The following NHLRC2 variants were observed in gnomAD, a reference collection of about 807,000 sequenced individuals.
The protein encoded by NHLRC2 is NHL repeat-containing protein 2.
Under a neutral mutation model 68.1 loss-of-function variants are expected in NHLRC2, and 33 were observed. The ratio of observed to expected loss-of-function variants is 0.48; its 90% confidence interval spans 0.37 to 0.65. The LOEUF is 0.65. Ranked by LOEUF, NHLRC2 falls within the 30% of genes least tolerant of loss-of-function variation. The pLI, the probability that NHLRC2 is intolerant of heterozygous loss-of-function variation, is 0.00. For synonymous variants in NHLRC2, 311 were observed against 309.6 expected, an observed-to-expected ratio of 1.00 and a Z score of -0.05; for missense variants, 761 against 853.8, an observed-to-expected ratio of 0.89 and a Z score of 1.35.
intron 6 of NHLRC2, among the ~76,000 whole-genome samples, chr10:113,899,216 T>G (rs564932568): frequency 6.6e-6 from 1 of 152,300 alleles, no homozygotes; most frequent in African/African-American, 2.4e-5. Context: ...CTCCCATTCA[T>G]TTTTCTGTCC....
chr10:113,860,971 T>G (rs762556512), intron 2 of NHLRC2, among the ~76,000 whole-genome samples: 23 of 152,346 alleles, frequency 1.5e-4, no homozygotes, highest in Middle Eastern at 3.4e-3. Flanking sequence ...AAATCATAAC[T>G]TTCTAAATCC....
intron 4 of NHLRC2, among the ~76,000 whole-genome samples, chr10:113,883,709 T>C (rs73345595): frequency 0.031 from 4,774 of 152,026 alleles, 265 homozygotes; most frequent in African/African-American, 0.11. Flanking sequence ...TCCCAGATTC[T>C]TGACTTACTA....
Position 113,904,928 on chromosome 10 carries a change from G to A in NHLRC2, c.1816G>A (p.Val606Met), listed in dbSNP as rs757540255. 1.1e-5 allele frequency: 18 copies of A among 1,604,318 alleles called. No individual in the cohort carries two copies. The highest frequency in any genetic ancestry group is 2.7e-5 in the African/African-American group (2 of 74,254). ...KSAPSIRLSP[V>M]TACAGQTLQF... ...TGCTCCAAGCATTAGGCTTTCCCCC[G>A]TGACTGCGTGTGCTGGCCAGACTCT... is the stretch of plus-strand genomic sequence containing the variant. Residue 606 changes from valine (V) to methionine (M), a missense_variant, in exon 10 of 11, where the codon GTG becomes ATG. By Grantham distance (21) the Val-to-Met change is conservative. Coordinates refer to ENST00000369301, the MANE Select transcript of NHLRC2 (RefSeq NM_198514.4).
At chr10:113,896,884 C>T (rs1343278080) in intron 5 of NHLRC2, among the ~76,000 whole-genome samples, 3 of 151,606 alleles carry the variant, frequency 2.0e-5, no homozygotes, top group South Asian at 4.2e-4. Context: ...GTCCCAGCTA[C>T]TCGGGAGGCT....
intron 2 of NHLRC2, 51 bp downstream of exon 2, chr10:113,858,731 G>A: frequency 1.5e-6 from 2 of 1,352,272 alleles, no homozygotes; most frequent in Non-Finnish European, 2.1e-6. Context: ...ATAGTCACTG[G>A]AAGAGTGGCT....
intron 5 of NHLRC2, among the ~76,000 whole-genome samples, chr10:113,890,987 C>G (rs950729405): frequency 3.3e-5 from 5 of 152,098 alleles, no homozygotes; most frequent in African/African-American, 7.2e-5. Flanking sequence ...AACCAGATCT[C>G]GTAAGAACTC....
At chr10:113,863,277 G>A (rs2134690591) in intron 2 of NHLRC2, among the ~76,000 whole-genome samples, 1 of 152,202 alleles carries the variant, frequency 6.6e-6, no homozygotes, top group Non-Finnish European at 1.5e-5. Flanking sequence ...TATCTTTTCT[G>A]ATCACAGATG....
At position 113,893,979 on chromosome 10, in the gene NHLRC2, A is replaced by G. The variant is rs142122245; in HGVS notation, c.1040-4131A>G. 5.3e-5 allele frequency among the ~76,000 whole-genome samples: 8 copies of G among 152,344 alleles called. No homozygotes were observed. The East Asian group carries it at 1.5e-3, about 29-fold the overall frequency. On this transcript the variant is annotated intron_variant, in intron 5 of 10. Transcript: ENST00000369301. ...GAAAAATGCAGTTTTCAAGGTGGGAACAGGATGACAAACCAGTTCAGAAGG... is the reference window on the plus strand; with the variant it reads ...GAAAAATGCAGTTTTCAAGGTGGGAGCAGGATGACAAACCAGTTCAGAAGG...
intron 2 of NHLRC2, among the ~76,000 whole-genome samples, chr10:113,870,466 G>A (rs1845912073): frequency 6.6e-6 from 1 of 152,014 alleles, no homozygotes; most frequent in Non-Finnish European, 1.5e-5. Context: ...ACAGTTCATA[G>A]AGAACTTCTT....
Position 113,914,404 on chromosome 10 carries a change from G to T in NHLRC2, c.*5868G>T, listed in dbSNP as rs239855. On this transcript the variant is annotated 3_prime_UTR_variant, in exon 11 of 11. Coordinates refer to ENST00000369301, the MANE Select transcript of NHLRC2 (RefSeq NM_198514.4). ...GCTGGTCTCGAACTCCTGACCTCAG[G>T]TGATCTGCCTGCCTTGGCCTTCCAA... 5,556 of 153,004 alleles carry T rather than the reference G, an allele frequency of 0.036. 161 individuals carry two copies. The highest frequency in any genetic ancestry group is 0.055 in the Non-Finnish European group (3,762 of 68,670). 9.5% of individuals were successfully genotyped at this position (153,004 alleles called of 1,614,324 possible).
chr10:113,890,704 A>G (rs1215399647), intron 5 of NHLRC2, among the ~76,000 whole-genome samples: 4 of 151,950 alleles, frequency 2.6e-5, no homozygotes, highest in Admixed American at 6.6e-5. Flanking sequence ...ATTTCTACCA[A>G]TTTATCTTCA....
At chr10:113,893,029 C>A (rs1324005538) in intron 5 of NHLRC2, among the ~76,000 whole-genome samples, 1 of 152,116 alleles carries the variant, frequency 6.6e-6, no homozygotes, top group East Asian at 1.9e-4. Context: ...TGAACAGATG[C>A]TGATGATCTG....
At chr10:113,888,647 G>A (rs1846103762) in intron 5 of NHLRC2, among the ~76,000 whole-genome samples, 1 of 151,860 alleles carries the variant, frequency 6.6e-6, no homozygotes, top group South Asian at 2.1e-4. Context: ...TTTTTTAATT[G>A]TCATTCTTAA....
intron 3 of NHLRC2, among the ~76,000 whole-genome samples, 186 bp downstream of exon 3, chr10:113,877,162 C>T (rs1490918560): frequency 2.0e-5 from 3 of 151,732 alleles, no homozygotes; most frequent in African/African-American, 4.8e-5. Flanking sequence ...TTCTCACTCC[C>T]TCATAAAACA....
intron 5 of NHLRC2, among the ~76,000 whole-genome samples, chr10:113,891,743 CGTT>C (rs1846134296): frequency 1.3e-5 from 2 of 152,150 alleles, no homozygotes; most frequent in African/African-American, 2.4e-5. Context: ...GACTGCTACT[CGTT>C]GTTATTCTGC....
At chr10:113,871,457 A>G (rs1432176902) in intron 2 of NHLRC2, among the ~76,000 whole-genome samples, 2 of 152,188 alleles carry the variant, frequency 1.3e-5, no homozygotes, top group Non-Finnish European at 2.9e-5. Flanking sequence ...TATGTTGGCT[A>G]ATCCCCCACG....
intron 2 of NHLRC2, among the ~76,000 whole-genome samples, chr10:113,862,831 A>G (rs949387083): frequency 3.3e-5 from 5 of 152,216 alleles, no homozygotes; most frequent in Non-Finnish European, 5.9e-5. Context: ...CAAGAGACAA[A>G]GAAGGACATT....
intron 6 of NHLRC2, 96 bp downstream of exon 6, chr10:113,898,305 T>C (rs924994050): frequency 8.3e-6 from 6 of 724,400 alleles, no homozygotes; most frequent in Non-Finnish European, 1.2e-5. Flanking sequence ...CCAGTCAGGA[T>C]GTGCTAGGTT....
At chr10:113,874,378 C>T (rs1389452214) in intron 2 of NHLRC2, among the ~76,000 whole-genome samples, 2 of 151,672 alleles carry the variant, frequency 1.3e-5, no homozygotes, top group African/African-American at 2.4e-5. Flanking sequence ...CCACCTTTAC[C>T]CACATCCCCC....
Sources: allele counts gnomAD v4.1 joint callset (sites outside exome capture counted in the v4.1 genomes callset), GRCh38; gene constraint gnomAD v4.1.1; transcripts MANE v1.5; gene names NCBI Gene and HGNC (gene_info 2026-07-23, HGNC 2026-07-21).